Variants in PREX1 observed in about 807,000 individuals in gnomAD.
PREX1 encodes the protein phosphatidylinositol-3,4,5-trisphosphate dependent Rac exchange factor 1.
PREX1 carries 41 observed loss-of-function variants against 198.3 expected under a neutral mutation model. That is an observed-to-expected ratio of 0.21 (90% CI 0.16 to 0.27). The LOEUF (loss-of-function observed/expected upper bound fraction) is 0.27, where lower values mean the gene tolerates loss of function less well. PREX1 is among the 10% of genes least tolerant of loss of function. The pLI is 1.00. For synonymous variants in PREX1, 843 were observed against 887.2 expected, an observed-to-expected ratio of 0.95 and a Z score of 0.89; for missense variants, 1,620 against 2,200.7, an observed-to-expected ratio of 0.74 and a Z score of 5.28.
At chr20:48,867,720 G>C in the PREX1 span, among the ~76,000 whole-genome samples, 1 of 152,052 alleles carries the variant, frequency 6.6e-6, no homozygotes, top group East Asian at 1.9e-4. Context: ...ACTTGAACCG[G>C]GGAGGTGGAG....
In PREX1 at chr20:48,639,185, G is replaced by A. The variant is rs150554156; in HGVS notation, c.3904+581C>T. Among the ~76,000 whole-genome samples, 304 of 152,306 alleles carry A rather than the reference G, an allele frequency of 2.0e-3. 4 individuals are homozygous for A. Among genetic ancestry groups the A allele is most frequent in the African/African-American group, 7.1e-3 (294 of 41,558 alleles). On this transcript the variant is annotated intron_variant, in intron 30 of 39. Transcript: ENST00000371941. ...ACTGGGGTGAACTGGAAAGCACCTC[G>A]GCCCCACGTACACAGAGCGGCCGCC...
the PREX1 span, among the ~76,000 whole-genome samples, chr20:48,876,807 T>C: frequency 6.6e-6 from 1 of 152,150 alleles, no homozygotes; most frequent in African/African-American, 2.4e-5. Flanking sequence ...CTTTATCTAT[T>C]TCCATCACTT....
At position 48,699,772 on chromosome 20, in the gene PREX1, C is replaced by T. The variant is rs374078992; in HGVS notation, c.917+981G>A. Reference sequence around the variant, plus strand: ...ACACACCATACCTGAAGGCCCCAATCTACCATTCATCTAGACACATATCTG... The same window carrying T: ...ACACACCATACCTGAAGGCCCCAATTTACCATTCATCTAGACACATATCTG... On this transcript the variant is annotated intron_variant, in intron 7 of 39. Transcript: ENST00000371941. 1.8e-4 allele frequency among the ~76,000 whole-genome samples: 28 copies of T among 152,340 alleles called. No homozygotes were observed. In the East Asian group the frequency reaches 3.5e-3, roughly 19 times the overall value.
At chr20:48,667,787 G>A (rs1380776531) in intron 14 of PREX1, among the ~76,000 whole-genome samples, 1 of 152,204 alleles carries the variant, frequency 6.6e-6, no homozygotes, top group Non-Finnish European at 1.5e-5. Flanking sequence ...CTCCCAGGTG[G>A]GATGTCATCT....
At chr20:48,847,299 G>A in the PREX1 span, among the ~76,000 whole-genome samples, 19 of 146,910 alleles carry the variant, frequency 1.3e-4, no homozygotes, top group Non-Finnish European at 2.4e-4. Context: ...GGGGGCCTTT[G>A]AGAGTGCTCT....
At chr20:48,750,619 C>T (rs2090129952) in intron 1 of PREX1, among the ~76,000 whole-genome samples, 1 of 152,184 alleles carries the variant, frequency 6.6e-6, no homozygotes. Context: ...CCCCATTCTG[C>T]CCTGAGCAGC....
intron 1 of PREX1, among the ~76,000 whole-genome samples, chr20:48,809,575 G>A (rs1354099088): frequency 6.6e-6 from 1 of 152,222 alleles, no homozygotes; most frequent in Non-Finnish European, 1.5e-5. Flanking sequence ...GCCGGCTCTT[G>A]CCAATCTCAG....
chr20:48,637,199 A>T (rs975534722), intron 31 of PREX1, among the ~76,000 whole-genome samples: 2 of 152,136 alleles, frequency 1.3e-5, no homozygotes. Flanking sequence ...GTTTCAAGCA[A>T]TTGGTCTCTC....
chr20:48,873,431 G>A, the PREX1 span, among the ~76,000 whole-genome samples: 9 of 151,850 alleles, frequency 5.9e-5, no homozygotes, highest in Non-Finnish European at 1.3e-4. Flanking sequence ...GCAAGAGGCC[G>A]GGTGCAGTGG....
rs555104090 is a variant in PREX1 at position 48,710,856 on chromosome 20, A to C, written c.622-2435T>G. 2.0e-5 allele frequency among the ~76,000 whole-genome samples: 3 copies of C among 152,370 alleles called. No homozygotes were observed. The South Asian group carries it at 6.2e-4, about 32-fold the overall frequency. ...GTGCAAAGGCCCTGAGGCAGCGAGA[A>C]GCAGCAGGGAGGCCAGCGGAGCTGC... On this transcript the variant is annotated intron_variant, in intron 5 of 39. Transcript: ENST00000371941.
chr20:48,836,088 A>C, the PREX1 span, among the ~76,000 whole-genome samples: 110 of 152,284 alleles, frequency 7.2e-4, no homozygotes, highest in East Asian at 0.018. Context: ...TGGAGTTGGC[A>C]TTAACCACGA....
intron 15 of PREX1, 141 bp from the exon 16 acceptor site, chr20:48,660,202 T>C (rs781584459): frequency 3.6e-5 from 36 of 1,009,418 alleles, no homozygotes; most frequent in Non-Finnish European, 4.6e-5. Context: ...AATGGAATCA[T>C]ATGCCAACAC....
the PREX1 span, among the ~76,000 whole-genome samples, chr20:48,866,737 G>C: frequency 1.3e-5 from 2 of 152,012 alleles, no homozygotes; most frequent in African/African-American, 4.8e-5. Flanking sequence ...GACCAGCCTG[G>C]GCAACATGGC....
intron 38 of PREX1, 26 bp from the exon 39 acceptor site, chr20:48,627,641 G>A (rs770051319): frequency 8.7e-6 from 14 of 1,610,798 alleles, no homozygotes; most frequent in African/African-American, 2.7e-5. Context: ...ATCAGGCAGG[G>A]GCCTCTGCAG....
At chr20:48,760,376 G>T (rs1166880547) in intron 1 of PREX1, among the ~76,000 whole-genome samples, 1 of 151,902 alleles carries the variant, frequency 6.6e-6, no homozygotes, top group Non-Finnish European at 1.5e-5. Context: ...AGTCTCCTGA[G>T]GTGAGATGAG....
chr20:48,629,645 C>T (rs1238763462), intron 36 of PREX1, 24 bp from the exon 37 acceptor site: 12 of 1,608,710 alleles, frequency 7.5e-6, no homozygotes, highest in South Asian at 6.6e-5. Context: ...CACACATAAC[C>T]GGGGAGTTGG....
intron 1 of PREX1, among the ~76,000 whole-genome samples, chr20:48,799,150 G>A (rs1284135088): frequency 6.6e-6 from 1 of 152,186 alleles, no homozygotes; most frequent in Non-Finnish European, 1.5e-5. Flanking sequence ...CCAGAGTGCT[G>A]AAATTACAGG....
Position 48,651,515 on chromosome 20 carries a change from C to T in PREX1, c.2536G>A (p.Val846Met). Residue 846 changes from valine (V) to methionine (M), a missense_variant, in exon 22 of 40, where the codon GTG becomes ATG. This residue lies in a region of PREX1 where 514 missense variants were observed against 611.6 expected (regional missense o/e 0.84). Transcript: ENST00000371941. ...CCGTGTTCCAGGTGCACGTTGTCCACAGTCAGGGTGACCATGGGGCTGTCC... is the reference window on the plus strand; with the variant it reads ...CCGTGTTCCAGGTGCACGTTGTCCATAGTCAGGGTGACCATGGGGCTGTCC... ...CEDSPMVTLT[V>M]DNVHLEHGVV... 2.5e-6 allele frequency: 4 copies of T among 1,614,230 alleles called. No homozygotes were observed. Among genetic ancestry groups the T allele is most frequent in the Non-Finnish European group, 3.4e-6 (4 of 1,180,044 alleles).
chr20:48,868,634 A>G, the PREX1 span, among the ~76,000 whole-genome samples: 2 of 152,166 alleles, frequency 1.3e-5, no homozygotes, highest in African/African-American at 4.8e-5. Context: ...TTCAAAACTC[A>G]AAATTCAAAA....
Sources: gnomAD v4.1 joint callset for allele counts (sites outside exome capture counted in the v4.1 genomes callset) on GRCh38, gnomAD v4.1.1 for gene constraint, gnomAD v4.1.1 regional missense constraint, MANE v1.5 for transcripts, NCBI Gene and HGNC (gene_info 2026-07-23, HGNC 2026-07-21) for gene names.